PTBP2: variants seen among roughly 807,000 people sequenced by gnomAD.
PTBP2 encodes the protein polypyrimidine tract binding protein 2.
Under a neutral mutation model 61.4 loss-of-function variants are expected in PTBP2, and 13 were observed. That is an observed-to-expected ratio of 0.21 (90% CI 0.14 to 0.34). The LOEUF is 0.34. PTBP2 is among the 10% of genes least tolerant of loss of function. The probability of loss-of-function intolerance (pLI) is 1.00; values close to 1 mark genes in which losing one functional copy is unlikely to be tolerated. For synonymous variants in PTBP2, 215 were observed against 218.5 expected (o/e 0.98, Z 0.14); for missense variants, 405 against 642.6 (o/e 0.63, Z 4.00).
intron 8 of PTBP2, among the ~76,000 whole-genome samples, chr1:96,788,995 A>G (rs1557755964): frequency 6.6e-6 from 1 of 152,092 alleles, no homozygotes; most frequent in Non-Finnish European, 1.5e-5. Flanking sequence ...TTCAAAGAAC[A>G]CAGTGATCAA....
chr1:96,745,409 G>C (rs1390795588), intron 2 of PTBP2, among the ~76,000 whole-genome samples: 2 of 152,084 alleles, frequency 1.3e-5, no homozygotes, highest in Non-Finnish European at 2.9e-5. Flanking sequence ...TGATCCGTCT[G>C]CCTCGGCCTC....
Position 96,777,964 on chromosome 1 carries a change from GA to G in PTBP2, c.708+19del, listed in dbSNP as rs760794061. On this transcript the variant is annotated intron_variant, in intron 7 of 13. Transcript: ENST00000674951. ...CAAAACTAGTAAGTCTTTCTTTTGA[GA>G]TGGTGATTTTTTTTTATTGAAATGT... 2.1e-6 allele frequency: 3 copies of G among 1,417,054 alleles called. No homozygotes were observed. In the African/African-American group the frequency reaches 4.3e-5, roughly 20 times the overall value. 87.8% of individuals were successfully genotyped at this position (1,417,054 alleles called of 1,614,324 possible).
rs964542381 is a variant in PTBP2, at chr1:96,814,495, TAATA to T, written c.*1094_*1097del. ...TACCTTGCATTGTAATATTCAGTTT[TAATA>T]AATCTTCAAAATATTTTGTATTTAG... On this transcript the variant is annotated 3_prime_UTR_variant, in exon 14 of 14. Transcript: ENST00000674951. The T allele has an allele frequency of 3.9e-5, 6 of 152,566 alleles. No individual in the cohort carries two copies. The highest frequency in any genetic ancestry group is 8.8e-5 in the Non-Finnish European group (6 of 67,968). 9.5% of individuals were successfully genotyped at this position (152,566 alleles called of 1,614,324 possible).
intron 8 of PTBP2, among the ~76,000 whole-genome samples, chr1:96,800,157 G>A (rs543946721): frequency 5.4e-4 from 82 of 152,248 alleles, no homozygotes; most frequent in Non-Finnish European, 8.1e-4. Context: ...GGACATAATA[G>A]ATTATCTGAC....
At chr1:96,741,966 T>C (rs755690914) in intron 2 of PTBP2, among the ~76,000 whole-genome samples, 2 of 152,248 alleles carry the variant, frequency 1.3e-5, no homozygotes, top group Non-Finnish European at 2.9e-5. Context: ...TAATTACTTA[T>C]GGCATCAGCA....
intron 11 of PTBP2, among the ~76,000 whole-genome samples, chr1:96,811,524 A>G (rs1034551454): frequency 2.6e-5 from 4 of 152,152 alleles, no homozygotes; most frequent in Middle Eastern, 3.4e-3. Flanking sequence ...GGTACAAGCA[A>G]TTCTGCCTCA....
At chr1:96,798,336 G>T (rs957230749) in intron 8 of PTBP2, among the ~76,000 whole-genome samples, 1 of 152,032 alleles carries the variant, frequency 6.6e-6, no homozygotes, top group Non-Finnish European at 1.5e-5. Context: ...AACCCAGGAG[G>T]TGGAGGTTGC....
At chr1:96,771,804 G>A (rs531535824) in intron 5 of PTBP2, among the ~76,000 whole-genome samples, 2 of 152,060 alleles carry the variant, frequency 1.3e-5, no homozygotes, top group African/African-American at 4.8e-5. Context: ...ATATATTATG[G>A]AATGATCAAA....
chr1:96,770,650 T>A, intron 4 of PTBP2, 58 bp from the exon 5 acceptor site: 2 of 1,359,324 alleles, frequency 1.5e-6, no homozygotes, highest in Non-Finnish European at 2.1e-6. Flanking sequence ...ATAGATTGCT[T>A]AGATATTAAT....
In PTBP2 at chr1:96,806,409, C is replaced by G; in HGVS notation, c.1045-10C>G. The G allele has an allele frequency of 6.3e-7, 1 of 1,579,706 alleles. No homozygotes were observed. Among genetic ancestry groups the G allele is most frequent in the Non-Finnish European group, 8.7e-7 (1 of 1,148,776 alleles). ...TGTCTTACGCTGCTTGCTCTTCTCT[C>G]CTTCTAAAGATGGTTACGCCCCAAA... On this transcript the variant is annotated splice_polypyrimidine_tract_variant and intron_variant, in intron 9 of 13. Coordinates refer to ENST00000674951, the MANE Select transcript of PTBP2 (RefSeq NM_021190.4).
chr1:96,733,442 G>A (rs1025108674), intron 2 of PTBP2, among the ~76,000 whole-genome samples: 2 of 152,184 alleles, frequency 1.3e-5, no homozygotes, highest in African/African-American at 4.8e-5. Flanking sequence ...ACTTAGGGAG[G>A]CTGAGGCAGG....
chr1:96,774,384 C>G (rs1005521849), intron 5 of PTBP2, among the ~76,000 whole-genome samples: 2 of 152,100 alleles, frequency 1.3e-5, no homozygotes, highest in African/African-American at 4.8e-5. Flanking sequence ...CCATTTGGTT[C>G]CATTCATTTT....
intron 3 of PTBP2, among the ~76,000 whole-genome samples, chr1:96,755,703 C>T (rs924952074): frequency 3.0e-4 from 46 of 152,134 alleles, no homozygotes; most frequent in African/African-American, 1.0e-3. Flanking sequence ...AATCTCCAAA[C>T]AATTATGTTA....
In PTBP2 at chr1:96,723,660, AG is replaced by A. The variant is rs535866203; in HGVS notation, c.39+67del. The A allele has an allele frequency of 1.6e-3, 2,300 of 1,442,808 alleles. 8 individuals are homozygous for A. The highest frequency in any genetic ancestry group is 2.0e-3 in the Admixed American group (108 of 52,930). The allele number at this position is 1,442,808 out of a possible 1,614,324, so 89.4% of individuals were successfully genotyped here. Reference sequence around the variant, plus strand: ...ATTATCATAATTACTGGAAAATTTTAGCTTTTGCTTTTGAAAACTATAACGT... The same window carrying A: ...ATTATCATAATTACTGGAAAATTTTACTTTTGCTTTTGAAAACTATAACGT... On this transcript the variant is annotated intron_variant, in intron 2 of 13. Transcript: ENST00000674951.
intron 1 of PTBP2, 142 bp from the exon 2 acceptor site, chr1:96,723,422 T>A: frequency 1.7e-6 from 1 of 578,100 alleles, no homozygotes; most frequent in Non-Finnish European, 3.0e-6. Flanking sequence ...TCACGGATCA[T>A]CTGTGGTATT....
chr1:96,775,302 G>T (rs1337766321), intron 5 of PTBP2, among the ~76,000 whole-genome samples: 1 of 152,114 alleles, frequency 6.6e-6, no homozygotes, highest in Non-Finnish European at 1.5e-5. Context: ...ACATACCTGA[G>T]AACATGTACA....
At chr1:96,732,167 TATTGA>T (rs1483900651) in intron 2 of PTBP2, among the ~76,000 whole-genome samples, 1 of 152,202 alleles carries the variant, frequency 6.6e-6, no homozygotes, top group Non-Finnish European at 1.5e-5. Flanking sequence ...ATGATATGAC[TATTGA>T]ATTCATCCTC....
chr1:96,763,064 G>A (rs1656195666), intron 3 of PTBP2, among the ~76,000 whole-genome samples: 2 of 151,588 alleles, frequency 1.3e-5, no homozygotes, highest in South Asian at 2.1e-4. Context: ...ATGGGATGGC[G>A]GCCGGGCAGA....
chr1:96,766,315 T>G (rs1239901814), intron 3 of PTBP2, among the ~76,000 whole-genome samples: 1 of 152,200 alleles, frequency 6.6e-6, no homozygotes, highest in Non-Finnish European at 1.5e-5. Context: ...TGAATAAAAT[T>G]TATATGCATA....
Sources: allele counts gnomAD v4.1 joint callset (sites outside exome capture counted in the v4.1 genomes callset), GRCh38; gene constraint gnomAD v4.1.1; transcripts MANE v1.5; gene names NCBI Gene and HGNC (gene_info 2026-07-23, HGNC 2026-07-21).